The following CAMK2D variants were observed in gnomAD, a reference collection of about 807,000 sequenced individuals.
CAMK2D encodes calcium/calmodulin-dependent protein kinase type II subunit delta.
CAMK2D carries 37 observed loss-of-function variants against 84.0 expected under a neutral mutation model. That is an observed-to-expected ratio of 0.44 (90% CI 0.34 to 0.58). The LOEUF (loss-of-function observed/expected upper bound fraction) is 0.58, where lower values mean the gene tolerates loss of function less well. CAMK2D is among the 20% of genes least tolerant of loss of function. The pLI is 0.02. For synonymous variants in CAMK2D, 202 were observed against 212.5 expected (o/e 0.95, Z 0.43); for missense variants, 448 against 652.5 (o/e 0.69, Z 3.41).
chr4:113,524,097 T>C (rs111659195), intron 8 of CAMK2D, among the ~76,000 whole-genome samples: 3,754 of 152,188 alleles, frequency 0.025, 130 homozygotes, highest in African/African-American at 0.085. Context: ...GTCTCAAACT[T>C]CTGGGCTCAA....
At chr4:113,488,008 A>G (rs1256938066) in intron 16 of CAMK2D, among the ~76,000 whole-genome samples, 1 of 152,062 alleles carries the variant, frequency 6.6e-6, no homozygotes, top group Non-Finnish European at 1.5e-5. Context: ...AACTTGCTCA[A>G]ATATAGATTT....
At chr4:113,577,098 T>G (rs866173753) in intron 4 of CAMK2D, among the ~76,000 whole-genome samples, 2 of 152,148 alleles carry the variant, frequency 1.3e-5, no homozygotes, top group African/African-American at 4.8e-5. Context: ...CCAGGAAGAG[T>G]CCAATGAATT....
At chr4:113,514,042 A>G (rs184812149) in intron 10 of CAMK2D, 129 bp from the exon 11 acceptor site, 6 of 493,242 alleles carry the variant, frequency 1.2e-5, no homozygotes, top group African/African-American at 8.1e-5. Flanking sequence ...TAAGTATTCA[A>G]TTGCCAAAGT....
intron 16 of CAMK2D, among the ~76,000 whole-genome samples, chr4:113,478,630 C>T (rs1362300568): frequency 6.6e-6 from 1 of 152,056 alleles, no homozygotes; most frequent in African/African-American, 2.4e-5. Context: ...TCATTACGGA[C>T]CATTAACCTT....
chr4:113,466,259 A>AAAATAAAT (rs3062115), intron 16 of CAMK2D, among the ~76,000 whole-genome samples: 2,855 of 146,062 alleles, frequency 0.02, 68 homozygotes, highest in East Asian at 0.091. Context: ...CTCCGTCTCA[A>AAAATAAAT]AAATAAATAA....
chr4:113,736,659 A>G (rs757409697), intron 2 of CAMK2D, among the ~76,000 whole-genome samples: 54 of 152,216 alleles, frequency 3.5e-4, no homozygotes, highest in Admixed American at 1.4e-3. Context: ...TGTACAGGGC[A>G]TTTCATATTT....
chr4:113,670,239 G>T (rs1463543250), intron 2 of CAMK2D, among the ~76,000 whole-genome samples: 1 of 152,042 alleles, frequency 6.6e-6, no homozygotes. Context: ...CCAAGATTGT[G>T]CCAGTGCATT....
intron 3 of CAMK2D, among the ~76,000 whole-genome samples, chr4:113,619,202 T>C (rs1314395824): frequency 6.9e-6 from 1 of 145,616 alleles, no homozygotes; most frequent in Non-Finnish European, 1.5e-5. Context: ...CTTCTAAATA[T>C]AATAGGGTGA....
At chr4:113,673,741 C>T (rs577410534) in intron 2 of CAMK2D, among the ~76,000 whole-genome samples, 1 of 152,220 alleles carries the variant, frequency 6.6e-6, no homozygotes, top group Non-Finnish European at 1.5e-5. Context: ...CAGTACCATA[C>T]ACCCCCTGGT....
intron 2 of CAMK2D, among the ~76,000 whole-genome samples, chr4:113,739,558 T>C (rs1477054432): frequency 1.3e-5 from 2 of 152,084 alleles, no homozygotes; most frequent in Non-Finnish European, 2.9e-5. Context: ...ATGATACAAA[T>C]AAAGCTCCCA....
chr4:113,545,782 C>A (rs1293569999), intron 6 of CAMK2D, among the ~76,000 whole-genome samples: 1 of 152,192 alleles, frequency 6.6e-6, no homozygotes, highest in Non-Finnish European at 1.5e-5. Flanking sequence ...CTCAAAAGCT[C>A]ATTTCTGTCC....
chr4:113,542,756 C>T (rs116082776), intron 6 of CAMK2D, among the ~76,000 whole-genome samples: 1 of 152,132 alleles, frequency 6.6e-6, no homozygotes, highest in Non-Finnish European at 1.5e-5. Flanking sequence ...TCATCTCCCC[C>T]CTTCCCTGAA....
intron 4 of CAMK2D, among the ~76,000 whole-genome samples, chr4:113,603,955 A>G (rs550504687): frequency 2.8e-4 from 42 of 151,534 alleles, no homozygotes; most frequent in Admixed American, 2.5e-3. Flanking sequence ...TTAAAAAGAA[A>G]AAAAAAGAAG....
intron 2 of CAMK2D, among the ~76,000 whole-genome samples, chr4:113,746,911 A>G (rs2099605333): frequency 6.6e-6 from 1 of 150,540 alleles, no homozygotes; most frequent in Non-Finnish European, 1.5e-5. Flanking sequence ...TTTGAAGTCA[A>G]TAGGCTTTCT....
intron 5 of CAMK2D, among the ~76,000 whole-genome samples, chr4:113,549,248 G>GTTGC (rs1375636080): frequency 1.3e-5 from 2 of 152,168 alleles, no homozygotes; most frequent in African/African-American, 4.8e-5. Flanking sequence ...CCTTAGAAGC[G>GTTGC]TTGCTTTTTG....
intron 4 of CAMK2D, among the ~76,000 whole-genome samples, chr4:113,559,507 A>C (rs1310530785): frequency 1.3e-5 from 2 of 152,226 alleles, no homozygotes; most frequent in African/African-American, 4.8e-5. Flanking sequence ...CTCACTGAAG[A>C]ATGTTACTAA....
At chr4:113,503,222 T>C in intron 14 of CAMK2D, 1 of 702,696 alleles carries the variant, frequency 1.4e-6, no homozygotes, top group South Asian at 1.4e-5. Flanking sequence ...TTGATCAGCA[T>C]TCAAACAAGG....
intron 16 of CAMK2D, among the ~76,000 whole-genome samples, chr4:113,495,200 T>G (rs1356279038): frequency 6.6e-6 from 1 of 152,188 alleles, no homozygotes; most frequent in Non-Finnish European, 1.5e-5. Flanking sequence ...TGTTGTAAAA[T>G]CAAATTTTGG....
chr4:113,456,772 C>T (rs10031387), intron 19 of CAMK2D: 148,948 of 153,004 alleles, frequency 0.97, 72,551 homozygotes, highest in East Asian at 1. Flanking sequence ...GAATCTGGCA[C>T]AGATTAAGCA....
Sources: gnomAD v4.1 joint callset for allele counts (sites outside exome capture counted in the v4.1 genomes callset) on GRCh38, gnomAD v4.1.1 for gene constraint, MANE v1.5 for transcripts, NCBI Gene and HGNC (gene_info 2026-07-23, HGNC 2026-07-21) for gene names.